The following GLIS3 variants were observed in gnomAD, a reference collection of about 807,000 sequenced individuals.
GLIS3 encodes GLIS family zinc finger 3.
In GLIS3, 53 loss-of-function variants were observed where a neutral mutation model predicts 78.6. That is an observed-to-expected ratio of 0.67 (90% CI 0.54 to 0.85). The LOEUF (loss-of-function observed/expected upper bound fraction) is 0.85. GLIS3 is among the 40% of genes least tolerant of loss of function. The probability of loss-of-function intolerance (pLI) is 0.00; values close to 1 mark genes in which losing one functional copy is unlikely to be tolerated. For missense variants in GLIS3, 1,703 were observed against 1,231.1 expected, an observed-to-expected ratio of 1.38 and a Z score of -5.74; for synonymous variants, 684 against 509.9, an observed-to-expected ratio of 1.34 and a Z score of -4.60.
At chr9:4,382,819 G>A in the GLIS3 span, among the ~76,000 whole-genome samples, 1 of 152,092 alleles carries the variant, frequency 6.6e-6, no homozygotes, top group East Asian at 1.9e-4. Flanking sequence ...TACAGTTTAA[G>A]CAGACCATAA....
intron 4 of GLIS3, among the ~76,000 whole-genome samples, chr9:4,026,727 A>G (rs1274348246): frequency 6.6e-6 from 1 of 152,224 alleles, no homozygotes; most frequent in Non-Finnish European, 1.5e-5. Flanking sequence ...TTTTTAAGAT[A>G]TGCATTAAAG....
chr9:4,209,100 C>T (rs531162012), intron 2 of GLIS3, among the ~76,000 whole-genome samples: 3 of 152,280 alleles, frequency 2.0e-5, no homozygotes, highest in Non-Finnish European at 4.4e-5. Context: ...ATATAAATTA[C>T]GTAAGTCCTA....
the GLIS3 span, among the ~76,000 whole-genome samples, chr9:4,376,179 G>A: frequency 6.6e-6 from 1 of 152,190 alleles, no homozygotes; most frequent in Admixed American, 6.6e-5. Flanking sequence ...CATGACTCTG[G>A]TGGAGAGATT....
At chr9:3,861,429 G>A (rs909022651) in intron 8 of GLIS3, among the ~76,000 whole-genome samples, 3 of 151,920 alleles carry the variant, frequency 2.0e-5, no homozygotes, top group Non-Finnish European at 4.4e-5. Context: ...ATTACTTTGG[G>A]TATATAATTC....
At chr9:4,286,699 C>T (rs1828032445) in intron 1 of GLIS3, among the ~76,000 whole-genome samples, 176 bp from the exon 2 acceptor site, 1 of 152,340 alleles carries the variant, frequency 6.6e-6, no homozygotes, top group African/African-American at 2.4e-5. Context: ...CTCTCCCCTT[C>T]TGCACTCATG....
the GLIS3 span, among the ~76,000 whole-genome samples, chr9:4,388,277 G>A: frequency 2.0e-5 from 3 of 152,108 alleles, no homozygotes; most frequent in African/African-American, 4.8e-5. Flanking sequence ...GATAATAGAA[G>A]TAAGTCTTAA....
At chr9:3,902,295 G>C (rs6476760) in intron 6 of GLIS3, among the ~76,000 whole-genome samples, 22,961 of 152,174 alleles carry the variant, frequency 0.15, 2,003 homozygotes, top group Non-Finnish European at 0.2. Flanking sequence ...ATATGGAAGT[G>C]TAGTGTCCCT....
chr9:4,264,613 C>A (rs1257516347), intron 2 of GLIS3, among the ~76,000 whole-genome samples: 9 of 152,202 alleles, frequency 5.9e-5, no homozygotes, highest in Non-Finnish European at 1.5e-5. Context: ...TGGGAACACT[C>A]TTCCTTAGGT....
chr9:4,144,251 C>A (rs756109952), intron 2 of GLIS3, among the ~76,000 whole-genome samples: 2 of 152,162 alleles, frequency 1.3e-5, no homozygotes, highest in Non-Finnish European at 2.9e-5. Flanking sequence ...GAAAAGAAGG[C>A]GGATAATTCA....
intron 2 of GLIS3, among the ~76,000 whole-genome samples, chr9:4,242,717 G>A (rs1221236356): frequency 1.3e-5 from 2 of 152,164 alleles, no homozygotes; most frequent in East Asian, 3.9e-4. Context: ...AGTAGGAACA[G>A]AGGTGTGCTG....
the GLIS3 span, among the ~76,000 whole-genome samples, chr9:4,387,776 G>A: frequency 6.6e-6 from 1 of 152,172 alleles, no homozygotes; most frequent in African/African-American, 2.4e-5. Context: ...GCCAGCAGCT[G>A]TACAGGTACT....
intron 4 of GLIS3, among the ~76,000 whole-genome samples, chr9:4,002,033 T>C (rs1380236377): frequency 1.3e-5 from 2 of 152,204 alleles, no homozygotes; most frequent in Non-Finnish European, 2.9e-5. Context: ...TGGTAAAAAG[T>C]ACGTGGCAGC....
chr9:3,951,704 T>C (rs1816690209), intron 4 of GLIS3, among the ~76,000 whole-genome samples: 1 of 152,156 alleles, frequency 6.6e-6, no homozygotes, highest in African/African-American at 2.4e-5. Context: ...GACTTCTTTT[T>C]AGAATGCAGA....
chr9:4,148,401 C>G (rs891789050), intron 2 of GLIS3, among the ~76,000 whole-genome samples: 1 of 152,090 alleles, frequency 6.6e-6, no homozygotes, highest in East Asian at 1.9e-4. Context: ...CCTCAAAGAT[C>G]AGCTCAAATG....
At chr9:4,381,649 C>A in the GLIS3 span, among the ~76,000 whole-genome samples, 1 of 152,198 alleles carries the variant, frequency 6.6e-6, no homozygotes, top group Non-Finnish European at 1.5e-5. Context: ...GGAAGTACTT[C>A]TTGATTCATT....
chr9:4,261,854 A>G (rs559198535), intron 2 of GLIS3, among the ~76,000 whole-genome samples: 16 of 152,302 alleles, frequency 1.1e-4, no homozygotes, highest in African/African-American at 3.8e-4. Context: ...TGCTATGAAC[A>G]GATATGGACT....
chr9:4,042,507 T>G (rs1332400596), intron 4 of GLIS3, among the ~76,000 whole-genome samples: 1 of 152,168 alleles, frequency 6.6e-6, no homozygotes, highest in African/African-American at 2.4e-5. Context: ...GCGTAAAGAA[T>G]GAGTAGAGCA....
At chr9:4,133,010 C>T (rs1426809037) in intron 2 of GLIS3, among the ~76,000 whole-genome samples, 1 of 152,260 alleles carries the variant, frequency 6.6e-6, no homozygotes, top group African/African-American at 2.4e-5. Flanking sequence ...TGCCTCACTG[C>T]CTCTAAGCAG....
intron 2 of GLIS3, among the ~76,000 whole-genome samples, chr9:4,168,940 C>G (rs547616134): frequency 1.3e-5 from 2 of 152,264 alleles, no homozygotes; most frequent in Admixed American, 6.5e-5. Flanking sequence ...ATCGTGGCAG[C>G]AATGTAGAAA....
Sources: gnomAD v4.1 joint callset for allele counts (sites outside exome capture counted in the v4.1 genomes callset) on GRCh38, gnomAD v4.1.1 for gene constraint, MANE v1.5 for transcripts, NCBI Gene and HGNC (gene_info 2026-07-23, HGNC 2026-07-21) for gene names.